The following UBASH3B variants were observed in gnomAD, a reference collection of about 807,000 sequenced individuals.
The protein encoded by UBASH3B is ubiquitin associated and SH3 domain containing B.
In UBASH3B, 37 loss-of-function variants were observed where a neutral mutation model predicts 83.4. The observed-to-expected ratio is 0.44, with a 90% CI of 0.34 to 0.58. UBASH3B has a LOEUF of 0.58. UBASH3B is among the 20% of genes least tolerant of loss of function. UBASH3B has a pLI of 0.01. For synonymous variants in UBASH3B, 304 were observed against 318.3 expected, an observed-to-expected ratio of 0.96 and a Z score of 0.48; for missense variants, 657 against 827.2, an observed-to-expected ratio of 0.79 and a Z score of 2.52.
intron 1 of UBASH3B, among the ~76,000 whole-genome samples, chr11:122,767,611 C>G (rs942229988): frequency 6.6e-6 from 1 of 151,972 alleles, no homozygotes; most frequent in African/African-American, 2.4e-5. Context: ...ACGCCCGGCC[C>G]CTTATGCTCT....
chr11:122,798,198 A>T (rs1304168701), intron 9 of UBASH3B, among the ~76,000 whole-genome samples: 1 of 152,172 alleles, frequency 6.6e-6, no homozygotes, highest in Non-Finnish European at 1.5e-5. Context: ...AGTGGATTTT[A>T]TGAGGATAGC....
At chr11:122,718,014 T>A (rs1331731839) in intron 1 of UBASH3B, among the ~76,000 whole-genome samples, 2 of 151,994 alleles carry the variant, frequency 1.3e-5, no homozygotes, top group Non-Finnish European at 2.9e-5. Flanking sequence ...CTTCGCCTCC[T>A]GGGTTCAAGA....
rs190631026 is a variant in UBASH3B, at chr11:122,812,375, G to T, written c.*2489G>T. 1 of 152,164 alleles carries T rather than the reference G, an allele frequency of 6.6e-6. No homozygotes were observed. The highest frequency in any genetic ancestry group is 2.4e-5 in the African/African-American group (1 of 41,448). The allele number at this position is 152,164 out of a possible 1,614,324, so 9.4% of individuals were successfully genotyped here. ...TGAGAAATTATTTGTAAATCATGTG[G>T]CATCTATGTATAATAAAAGAAAGAG... On this transcript the variant is annotated 3_prime_UTR_variant, in exon 14 of 14. Coordinates refer to ENST00000284273, the MANE Select transcript of UBASH3B (RefSeq NM_032873.5).
chr11:122,790,038 G>C (rs1273491786), intron 6 of UBASH3B, among the ~76,000 whole-genome samples: 1 of 152,148 alleles, frequency 6.6e-6, no homozygotes, highest in Non-Finnish European at 1.5e-5. Flanking sequence ...CAAAGCCAGC[G>C]CTTCCCTGGC....
At chr11:122,782,177 G>A (rs1197043396) in intron 4 of UBASH3B, among the ~76,000 whole-genome samples, 1 of 151,792 alleles carries the variant, frequency 6.6e-6, no homozygotes, top group African/African-American at 2.4e-5. Flanking sequence ...GGAGGTGGAG[G>A]CTGTGGTGAG....
At chr11:122,785,277 C>A (rs913050433) in intron 5 of UBASH3B, among the ~76,000 whole-genome samples, 1 of 152,176 alleles carries the variant, frequency 6.6e-6, no homozygotes, top group Non-Finnish European at 1.5e-5. Context: ...TCTCCTCGGC[C>A]CCTTTGGACT....
chr11:122,706,935 C>T (rs1207806673), intron 1 of UBASH3B, among the ~76,000 whole-genome samples: 1 of 152,106 alleles, frequency 6.6e-6, no homozygotes, highest in Non-Finnish European at 1.5e-5. Context: ...CATTAGTCCA[C>T]AATGAAATGA....
chr11:122,716,563 G>A (rs751307724), intron 1 of UBASH3B, among the ~76,000 whole-genome samples: 5 of 152,028 alleles, frequency 3.3e-5, no homozygotes, highest in Admixed American at 2.6e-4. Flanking sequence ...ATGGGGAATC[G>A]CTGTCCACCC....
At chr11:122,765,370 G>A (rs1860518869) in intron 1 of UBASH3B, among the ~76,000 whole-genome samples, 1 of 152,306 alleles carries the variant, frequency 6.6e-6, no homozygotes. Flanking sequence ...GGTTTCCAGG[G>A]AAGGACGGGC....
chr11:122,742,922 G>A (rs1861049695), intron 1 of UBASH3B, among the ~76,000 whole-genome samples: 1 of 152,222 alleles, frequency 6.6e-6, no homozygotes, highest in Non-Finnish European at 1.5e-5. Context: ...CACCGCCTGA[G>A]CTTGAGCCTG....
intron 1 of UBASH3B, among the ~76,000 whole-genome samples, chr11:122,677,039 T>C (rs1053359608): frequency 1.3e-5 from 2 of 152,226 alleles, no homozygotes; most frequent in Admixed American, 6.5e-5. Context: ...AGGTTTTGAA[T>C]TTGTTGTTTC....
chr11:122,768,536 C>T (rs1246389968), intron 1 of UBASH3B, among the ~76,000 whole-genome samples: 1 of 149,860 alleles, frequency 6.7e-6, no homozygotes, highest in Non-Finnish European at 1.5e-5. Flanking sequence ...GACTGAGCCT[C>T]ACTCTATCGC....
chr11:122,754,261 A>G (rs1003904077), intron 1 of UBASH3B, among the ~76,000 whole-genome samples: 4 of 152,252 alleles, frequency 2.6e-5, no homozygotes, highest in Non-Finnish European at 4.4e-5. Flanking sequence ...ATGCCACTCC[A>G]GAAGTGAAGA....
intron 1 of UBASH3B, among the ~76,000 whole-genome samples, chr11:122,712,196 A>T (rs1208205869): frequency 6.6e-6 from 1 of 152,218 alleles, no homozygotes; most frequent in East Asian, 1.9e-4. Flanking sequence ...TGCCAAAGTC[A>T]GCAGTAGAAT....
intron 1 of UBASH3B, among the ~76,000 whole-genome samples, chr11:122,761,137 G>T (rs972302374): frequency 6.6e-6 from 1 of 152,134 alleles, no homozygotes; most frequent in Non-Finnish European, 1.5e-5. Flanking sequence ...GGTGGCAGAG[G>T]AGGGTTTCTC....
chr11:122,716,060 G>A (rs1860519967), intron 1 of UBASH3B, among the ~76,000 whole-genome samples: 1 of 152,254 alleles, frequency 6.6e-6, no homozygotes, highest in African/African-American at 2.4e-5. Context: ...AGAGGACGAG[G>A]AGGTGGAATT....
At chr11:122,745,597 G>A (rs1861105740) in intron 1 of UBASH3B, among the ~76,000 whole-genome samples, 1 of 152,198 alleles carries the variant, frequency 6.6e-6, no homozygotes, top group Non-Finnish European at 1.5e-5. Flanking sequence ...TAATCAATAT[G>A]CCTTTCTTCC....
chr11:122,809,891 C>T lies in UBASH3B; in HGVS notation c.*5C>T, dbSNP rs1540108. 0.18 allele frequency: 286,405 copies of T among 1,612,432 alleles called. 26,716 individuals are homozygous for T. The highest frequency in any genetic ancestry group is 0.3 in the Admixed American group (17,979 of 59,722). On this transcript the variant is annotated 3_prime_UTR_variant, in exon 14 of 14. Coordinates refer to ENST00000284273, the MANE Select transcript of UBASH3B (RefSeq NM_032873.5). ...GAGACCTTGCTTCAAGAATAAACCA[C>T]ACCAGTGAACAAGAAGGAAAGGCCT...
intron 4 of UBASH3B, among the ~76,000 whole-genome samples, chr11:122,780,328 A>G (rs1315040868): frequency 6.6e-6 from 1 of 152,148 alleles, no homozygotes; most frequent in Admixed American, 6.5e-5. Flanking sequence ...CTGTCAAAGG[A>G]ATTAGCTTAA....
Sources: gnomAD v4.1 joint callset for allele counts (sites outside exome capture counted in the v4.1 genomes callset) on GRCh38, gnomAD v4.1.1 for gene constraint, MANE v1.5 for transcripts, NCBI Gene and HGNC (gene_info 2026-07-23, HGNC 2026-07-21) for gene names.